Variants in PTPRN2 observed in about 807,000 individuals in gnomAD.
PTPRN2 encodes the protein protein tyrosine phosphatase receptor type N2, also known as receptor-type tyrosine-protein phosphatase N2.
A neutral mutation model predicts 118.8 loss-of-function variants in PTPRN2; 74 were observed. That is an observed-to-expected ratio of 0.62 (90% CI 0.52 to 0.76). PTPRN2 has a LOEUF of 0.76. PTPRN2 is among the 30% of genes least tolerant of loss of function. The pLI is 0.00. For missense variants in PTPRN2, 1,481 were observed against 1,394.4 expected, an observed-to-expected ratio of 1.06 and a Z score of -0.99; for synonymous variants, 641 against 608.0, an observed-to-expected ratio of 1.05 and a Z score of -0.80.
chr7:158,496,150 C>G (rs936211807), intron 1 of PTPRN2, among the ~76,000 whole-genome samples: 1 of 151,840 alleles, frequency 6.6e-6, no homozygotes, highest in Non-Finnish European at 1.5e-5. Flanking sequence ...GGACTGACTG[C>G]TTCCCTGAAA....
chr7:158,430,316 G>A (rs1409507582), intron 2 of PTPRN2, among the ~76,000 whole-genome samples: 1 of 152,238 alleles, frequency 6.6e-6, no homozygotes, highest in Non-Finnish European at 1.5e-5. Flanking sequence ...CATGGGATGA[G>A]GTGAGGGAGA....
At chr7:158,209,242 T>A (rs1827397991) in intron 3 of PTPRN2, among the ~76,000 whole-genome samples, 2 of 151,924 alleles carry the variant, frequency 1.3e-5, no homozygotes, top group African/African-American at 2.4e-5. Context: ...AACTCTCCAA[T>A]CAAAACACAC....
chr7:158,324,070 CA>C (rs1320658133), intron 2 of PTPRN2, among the ~76,000 whole-genome samples: 7 of 152,308 alleles, frequency 4.6e-5, no homozygotes, highest in African/African-American at 1.7e-4. Context: ...CACACACACA[CA>C]CACACACCCA....
chr7:157,652,628 C>T (rs557027858), intron 14 of PTPRN2, among the ~76,000 whole-genome samples: 1 of 152,324 alleles, frequency 6.6e-6, no homozygotes, highest in East Asian at 1.9e-4. Flanking sequence ...TGTGCTCTCC[C>T]TCTTGTTCCA....
At chr7:157,767,831 A>G (rs960108257) in intron 12 of PTPRN2, among the ~76,000 whole-genome samples, 40 of 152,372 alleles carry the variant, frequency 2.6e-4, no homozygotes, top group African/African-American at 9.1e-4. Context: ...AGAAACTTCC[A>G]GCTCTGTGCT....
intron 9 of PTPRN2, among the ~76,000 whole-genome samples, chr7:158,115,039 C>A (rs927681880): frequency 2.0e-5 from 3 of 152,192 alleles, no homozygotes; most frequent in Non-Finnish European, 4.4e-5. Flanking sequence ...CACTGTCCCA[C>A]TCTCCTGGTC....
At chr7:158,112,850 G>GTCAGAGT (rs1816397285) in intron 9 of PTPRN2, among the ~76,000 whole-genome samples, 1 of 151,194 alleles carries the variant, frequency 6.6e-6, no homozygotes, top group African/African-American at 2.4e-5. Flanking sequence ...GAGGTCAGAG[G>GTCAGAGT]CCACAGCAGG....
At chr7:157,969,499 C>T (rs1049574156) in intron 11 of PTPRN2, among the ~76,000 whole-genome samples, 1 of 152,144 alleles carries the variant, frequency 6.6e-6, no homozygotes, top group Non-Finnish European at 1.5e-5. Context: ...ATGAGAAGGG[C>T]ATGAGTGGGG....
At chr7:157,821,520 GGT>G (rs900214777) in intron 12 of PTPRN2, among the ~76,000 whole-genome samples, 2 of 152,210 alleles carry the variant, frequency 1.3e-5, no homozygotes, top group African/African-American at 4.8e-5. Flanking sequence ...AGCCCAGCAT[GGT>G]TGACACCAAG....
At chr7:158,217,874 A>T (rs989130941) in intron 3 of PTPRN2, among the ~76,000 whole-genome samples, 1 of 152,230 alleles carries the variant, frequency 6.6e-6, no homozygotes, top group Admixed American at 6.5e-5. Context: ...TCAAATCAAC[A>T]CAGGCAGACA....
At chr7:157,704,425 A>G (rs1168982521) in intron 12 of PTPRN2, among the ~76,000 whole-genome samples, 5 of 152,244 alleles carry the variant, frequency 3.3e-5, no homozygotes, top group Non-Finnish European at 7.3e-5. Context: ...CCTTAAAGAT[A>G]ATAGGATTAA....
chr7:158,293,953 CTG>C (rs1800290779), intron 3 of PTPRN2, among the ~76,000 whole-genome samples: 1 of 152,212 alleles, frequency 6.6e-6, no homozygotes, highest in Admixed American at 6.5e-5. Flanking sequence ...CTGCCTGAGT[CTG>C]TGTGAGTGTT....
chr7:157,840,883 C>T (rs1317226798), intron 12 of PTPRN2, among the ~76,000 whole-genome samples: 1 of 152,248 alleles, frequency 6.6e-6, no homozygotes, highest in Non-Finnish European at 1.5e-5. Context: ...AGGTGAGGGG[C>T]TGGGCGCCCT....
intron 2 of PTPRN2, among the ~76,000 whole-genome samples, chr7:158,354,420 C>A (rs774391778): frequency 2.6e-5 from 4 of 152,130 alleles, no homozygotes; most frequent in Non-Finnish European, 5.9e-5. Flanking sequence ...ATCAAGAAAT[C>A]AAAATGGCAG....
chr7:157,993,309 G>A (rs1804397145), intron 11 of PTPRN2, among the ~76,000 whole-genome samples: 1 of 151,360 alleles, frequency 6.6e-6, no homozygotes, highest in Non-Finnish European at 1.5e-5. Flanking sequence ...TTTTTCCTAG[G>A]TTGTATGACT....
At chr7:157,776,506 CCTCCCTCTCCTT>C (rs1328268606) in intron 12 of PTPRN2, among the ~76,000 whole-genome samples, 3 of 143,854 alleles carry the variant, frequency 2.1e-5, no homozygotes, top group Non-Finnish European at 4.5e-5. Flanking sequence ...TCCCTCTCCT[CCTCCCTCTCCTT>C]CTCCCTCTCC....
chr7:158,147,931 T>C (rs796966015), intron 6 of PTPRN2, among the ~76,000 whole-genome samples: 1 of 110,994 alleles, frequency 9.0e-6, no homozygotes, highest in Non-Finnish European at 1.9e-5. Context: ...GCCACGTGTC[T>C]TTCCCCCTCA....
intron 12 of PTPRN2, among the ~76,000 whole-genome samples, chr7:157,720,742 T>C (rs972686952): frequency 3.9e-5 from 6 of 152,120 alleles, no homozygotes; most frequent in Admixed American, 3.3e-4. Flanking sequence ...CTCTTTATAA[T>C]AGAAATTACA....
At chr7:158,164,572 C>G (rs1307178942) in intron 6 of PTPRN2, among the ~76,000 whole-genome samples, 3 of 152,054 alleles carry the variant, frequency 2.0e-5, no homozygotes, top group East Asian at 1.9e-4. Context: ...GCACGCAGAG[C>G]AGGAATGCGT....
Sources: gnomAD v4.1 joint callset for allele counts (sites outside exome capture counted in the v4.1 genomes callset) on GRCh38, gnomAD v4.1.1 for gene constraint, MANE v1.5 for transcripts, NCBI Gene and HGNC (gene_info 2026-07-23, HGNC 2026-07-21) for gene names.